Variants in PLXND1 observed in about 807,000 individuals in gnomAD.
PLXND1 encodes plexin-D1.
A neutral mutation model predicts 197.7 loss-of-function variants in PLXND1; 54 were observed. That is an observed-to-expected ratio of 0.27 (90% CI 0.22 to 0.34). The LOEUF (loss-of-function observed/expected upper bound fraction) is 0.34. Among genes scored for constraint, PLXND1 ranks in the 10% least tolerant of loss-of-function variants. The pLI, the probability that PLXND1 is intolerant of heterozygous loss-of-function variation, is 1.00. For missense variants in PLXND1, 2,127 were observed against 2,699.2 expected (o/e 0.79, Z 4.70); for synonymous variants, 1,180 against 1,161.2 (o/e 1.02, Z -0.33).
rs371723415 is a variant in PLXND1 at position 129,571,021 on chromosome 3, C to T, written c.3600+19G>A. The T allele has an allele frequency of 3.4e-4, 542 of 1,613,082 alleles. No individual in the cohort carries two copies. Among genetic ancestry groups the T allele is most frequent in the Middle Eastern group, 4.9e-4 (3 of 6,076 alleles). On this transcript the variant is annotated intron_variant, in intron 18 of 35. Transcript: ENST00000324093. The stretch of plus-strand genomic sequence containing the variant: ...CTGGCTCGCTTGCCCCCGCCTACCC[C>T]GGCCCCTTTGGTGCTCACGTGGATA...
chr3:129,587,648 T>C lies in PLXND1; in HGVS notation c.1489-929A>G, dbSNP rs149191754. On this transcript the variant is annotated intron_variant, in intron 2 of 35. Transcript: ENST00000324093. ...CCTCCTGGGGCTCCCAAACCCTTCATGGCTCCCTTCTGCTTATGGAATGAA... is the reference window on the plus strand; with the variant it reads ...CCTCCTGGGGCTCCCAAACCCTTCACGGCTCCCTTCTGCTTATGGAATGAA... 1.4e-3 allele frequency among the ~76,000 whole-genome samples: 217 copies of C among 152,320 alleles called. 1 individual carries two copies. The highest frequency in any genetic ancestry group is 4.6e-3 in the African/African-American group (192 of 41,572).
chr3:129,563,232 C>G lies in PLXND1; in HGVS notation c.4530G>C (p.Val1510=). Residue 1510 remains valine (V), a synonymous_variant, in exon 26 of 36, where the codon GTG becomes GTC. Transcript: ENST00000324093. Reference sequence around the variant, plus strand: ...ACAGCAGCAGGAAGAATGGCTCCCCCACCGTCTCCTGAGGGGCACGGGGGT... The same window carrying G: ...ACAGCAGCAGGAAGAATGGCTCCCCGACCGTCTCCTGAGGGGCACGGGGGT... ...ICMYSCLRET[V]GEPFFLLLCA... 1.2e-6 allele frequency: 2 copies of G among 1,610,836 alleles called. No homozygotes were observed. Among genetic ancestry groups the G allele is most frequent in the Non-Finnish European group, 1.7e-6 (2 of 1,178,538 alleles).
At chr3:129,569,798 TG>T in intron 20 of PLXND1, 44 bp downstream of exon 20, 1 of 1,087,116 alleles carries the variant, frequency 9.2e-7, no homozygotes, top group Non-Finnish European at 1.4e-6. Context: ...TGGGGCAAGG[TG>T]GCAAGCCTGC....
intron 31 of PLXND1, among the ~76,000 whole-genome samples, 167 bp from the exon 32 acceptor site, chr3:129,559,950 G>A (rs11923835): frequency 0.013 from 2,048 of 152,306 alleles, 45 homozygotes; most frequent in African/African-American, 0.047. Context: ...TCCCAGAGGC[G>A]TTGAAAGGAC....
At position 129,589,333 on chromosome 3, in the gene PLXND1, ATC is replaced by A; in HGVS notation, c.1488+16_1488+17del. 1 of 467,498 alleles carries A rather than the reference ATC, an allele frequency of 2.1e-6. No homozygotes were observed. Among genetic ancestry groups the A allele is most frequent in the African/African-American group, 5.0e-5 (1 of 20,056 alleles). The allele number at this position is 467,498 out of a possible 1,614,324, so 29.0% of individuals were successfully genotyped here. On this transcript the variant is annotated intron_variant, in intron 2 of 35. Transcript: ENST00000324093. ...CCTCCCACCCCCACCCCCTCCCCACATCCCCAACCATACCTACCTTGAGAAGC... is the reference window on the plus strand; with the variant it reads ...CCTCCCACCCCCACCCCCTCCCCACACCCAACCATACCTACCTTGAGAAGC...
chr3:129,560,554 C>A, intron 30 of PLXND1, 120 bp from the exon 31 acceptor site: 1 of 954,544 alleles, frequency 1.0e-6, no homozygotes, highest in East Asian at 2.4e-5. Context: ...TGATTCTGGG[C>A]CCCATCCCTA....
chr3:129,567,652 A>C, intron 21 of PLXND1, 46 bp downstream of exon 21: 1 of 1,576,630 alleles, frequency 6.3e-7, no homozygotes, highest in Non-Finnish European at 8.7e-7. Context: ...CCCATCCCCT[A>C]GGAGGGAAAG....
chr3:129,569,938 T>A lies in PLXND1; in HGVS notation c.3770A>T (p.Asn1257Ile). 1 of 1,610,306 alleles carries A rather than the reference T, an allele frequency of 6.2e-7. No homozygotes were observed. Among genetic ancestry groups the A allele is most frequent in the Non-Finnish European group, 8.5e-7 (1 of 1,176,790 alleles). The stretch of plus-strand genomic sequence containing the variant: ...CAGCTGCAGTGTGGCGATGGTCTGG[T>A]TGAAGTTCCCTACCTGGATCTGTGC... ...LPITIQVGNF[N>I]QTIATLQLGG... Residue 1257 changes from asparagine to isoleucine, a missense_variant, in exon 20 of 36, where the codon AAC (asparagine) becomes ATC (isoleucine). Transcript: ENST00000324093.
At chr3:129,589,624 T>C in intron 1 of PLXND1, 97 bp from the exon 2 acceptor site, 1 of 1,078,806 alleles carries the variant, frequency 9.3e-7, no homozygotes. Context: ...GCATCAGAGC[T>C]TTCAAGTCTT....
chr3:129,575,398 G>T, intron 11 of PLXND1, 71 bp downstream of exon 11: 1 of 927,744 alleles, frequency 1.1e-6, no homozygotes. Context: ...ACTGGAATGA[G>T]TCGCACAAGG....
Position 129,558,785 on chromosome 3 carries a change from C to T in PLXND1, c.5298-210G>A, listed in dbSNP as rs2108762084. The T allele has an allele frequency of 1.8e-6, 1 of 558,574 alleles. No individual in the cohort carries two copies. The highest frequency in any genetic ancestry group is 3.2e-6 in the Non-Finnish European group (1 of 311,350). 34.6% of individuals were successfully genotyped at this position (558,574 alleles called of 1,614,324 possible). ...AGCCCGGTTTCCTGCTGGAGCAAGG[C>T]AGGAGCTACAGGGCTTAGCTGTACC... On this transcript the variant is annotated intron_variant, in intron 32 of 35. Coordinates refer to ENST00000324093, the MANE Select transcript of PLXND1 (RefSeq NM_015103.3). This position sits in a 1 kb window ranked among gnomAD's most constrained non-coding sequence, Gnocchi z 4.1.
intron 3 of PLXND1, 58 bp from the exon 4 acceptor site, chr3:129,586,330 GT>G: frequency 7.4e-7 from 1 of 1,347,544 alleles, no homozygotes; most frequent in East Asian, 2.5e-5. Context: ...CCTTGGGGAG[GT>G]GGTACGGTCA....
intron 27 of PLXND1, among the ~76,000 whole-genome samples, chr3:129,562,156 G>T (rs2085071186): frequency 6.6e-6 from 1 of 152,118 alleles, no homozygotes; most frequent in Non-Finnish European, 1.5e-5. Flanking sequence ...AAATGGCCTT[G>T]TCTGCAAGGC....
intron 1 of PLXND1, 45 bp downstream of exon 1, chr3:129,605,284 C>CCTGCCGCCG: frequency 1.3e-6 from 1 of 783,840 alleles, no homozygotes; most frequent in Non-Finnish European, 1.7e-6. Flanking sequence ...CGCCCCCGCC[C>CCTGCCGCCG]CCGCCGCCGC....
intron 1 of PLXND1, among the ~76,000 whole-genome samples, chr3:129,604,600 A>G (rs2085757083): frequency 6.6e-6 from 1 of 152,230 alleles, no homozygotes. Context: ...GGTACATACT[A>G]GGTGCTCAGG....
In PLXND1 at chr3:129,555,368, G is replaced by A; in HGVS notation, c.*944C>T. 1 of 607,592 alleles carries A rather than the reference G, an allele frequency of 1.6e-6. No individual in the cohort carries two copies. Among genetic ancestry groups the A allele is most frequent in the East Asian group, 3.1e-5 (1 of 31,818 alleles). The allele number at this position is 607,592 out of a possible 1,614,324, so 37.6% of individuals were successfully genotyped here. ...CGGCCACAGAGGGTCGTTTCTGGCAGGAACGGAGTGGGTGGTAGTCTCAGG... is the reference window on the plus strand; with the variant it reads ...CGGCCACAGAGGGTCGTTTCTGGCAAGAACGGAGTGGGTGGTAGTCTCAGG... On this transcript the variant is annotated 3_prime_UTR_variant, in exon 36 of 36. Coordinates refer to ENST00000324093, the MANE Select transcript of PLXND1 (RefSeq NM_015103.3).
At chr3:129,562,017 C>A in intron 27 of PLXND1, 114 bp from the exon 28 acceptor site, 2 of 699,308 alleles carry the variant, frequency 2.9e-6, no homozygotes, top group East Asian at 5.1e-5. Flanking sequence ...TAAACTGAGG[C>A]AAGCCATACC....
chr3:129,556,806 G>A (rs2084981026), intron 34 of PLXND1, 115 bp from the exon 35 acceptor site: 3 of 796,024 alleles, frequency 3.8e-6, no homozygotes, highest in Non-Finnish European at 6.3e-6. Flanking sequence ...CCACAGAACA[G>A]TTCAGCGATG....
At chr3:129,588,124 G>A (rs2085486662) in intron 2 of PLXND1, among the ~76,000 whole-genome samples, 1 of 152,266 alleles carries the variant, frequency 6.6e-6, no homozygotes, top group African/African-American at 2.4e-5. Context: ...AGGCCACACT[G>A]TGCAGGGTGG....
Sources: allele counts gnomAD v4.1 joint callset (sites outside exome capture counted in the v4.1 genomes callset), GRCh38; gene constraint gnomAD v4.1.1; non-coding constraint Gnocchi (gnomAD v3.1); transcripts MANE v1.5; gene names NCBI Gene and HGNC (gene_info 2026-07-23, HGNC 2026-07-21).